ZNF717: variants seen among roughly 807,000 people sequenced by gnomAD.
ZNF717 encodes the protein krueppel-like factor X17.
Under a neutral mutation model 13.8 loss-of-function variants are expected in ZNF717, and 9 were observed. The ratio of observed to expected loss-of-function variants is 0.65; its 90% CI spans 0.39 to 1.14. The LOEUF is 1.14. Ranked by LOEUF, ZNF717 falls within the 50% of genes most tolerant of loss-of-function variation. The probability of loss-of-function intolerance (pLI) is 0.01; values close to 1 mark genes in which losing one functional copy is unlikely to be tolerated. For missense variants in ZNF717, 1,040 were observed against 1,080.7 expected, an observed-to-expected ratio of 0.96 and a Z score of 0.53; for synonymous variants, 327 against 364.1, an observed-to-expected ratio of 0.90 and a Z score of 1.16.
In ZNF717 at chr3:75,765,273, T is replaced by TA. The variant is rs763645037; in HGVS notation, c.57+18032dup. ...TGAATGGGTATAGAGCTTTCCAAGA[T>TA]AAAAAAAAAATCTAGAAATCTGCTA... On this transcript the variant is annotated intron_variant, in intron 2 of 4. Coordinates refer to ENST00000652011, the MANE Select transcript of ZNF717 (RefSeq NM_001290208.3). Among the ~76,000 whole-genome samples the TA allele has an allele frequency of 7.0e-4, 105 of 148,950 alleles. No individual in the cohort carries two copies. In the East Asian group the frequency reaches 0.011, roughly 15 times the overall value.
chr3:75,717,924 A>C (rs1938089301), intron 4 of ZNF717, among the ~76,000 whole-genome samples: 1 of 152,170 alleles, frequency 6.6e-6, no homozygotes, highest in Non-Finnish European at 1.5e-5. Context: ...TTCCCCCAGG[A>C]GCAGAACTTA....
At chr3:75,774,189 C>CAA (rs528249551) in intron 2 of ZNF717, among the ~76,000 whole-genome samples, 11,798 of 129,688 alleles carry the variant, frequency 0.091, 505 homozygotes, top group African/African-American at 0.2. Flanking sequence ...AATAAACTAC[C>CAA]AAAAAAAAAA....
intron 2 of ZNF717, chr3:75,742,009 G>A (rs11718252): frequency 0.33 from 143,826 of 436,312 alleles, 21,724 homozygotes; most frequent in Non-Finnish European, 0.39. Context: ...CACTGTTTAT[G>A]GTGGGAGAAG....
intron 2 of ZNF717, among the ~76,000 whole-genome samples, chr3:75,777,944 A>G (rs1026873178): frequency 1.8e-4 from 27 of 151,992 alleles, no homozygotes; most frequent in African/African-American, 6.3e-4. Flanking sequence ...CTGGAAACCA[A>G]AACAATGGGA....
chr3:75,729,451 A>C (rs1575727949), downstream of ZNF717, among the ~76,000 whole-genome samples: 1 of 152,214 alleles, frequency 6.6e-6, no homozygotes, highest in Admixed American at 6.5e-5. Context: ...CCCCATCTCT[A>C]CTAAAAATAC....
chr3:75,697,347 C>T (rs1937614732), intron 6 of ZNF717, among the ~76,000 whole-genome samples: 1 of 152,308 alleles, frequency 6.6e-6, no homozygotes, highest in Non-Finnish European at 1.5e-5. Context: ...AAATGTAATT[C>T]TCAATGTTGG....
intron 2 of ZNF717, among the ~76,000 whole-genome samples, chr3:75,749,835 C>T (rs1224833709): frequency 6.6e-6 from 1 of 151,576 alleles, no homozygotes; most frequent in East Asian, 2.0e-4. Flanking sequence ...ATGTCTGTGA[C>T]TCACATAGGA....
intron 2 of ZNF717, among the ~76,000 whole-genome samples, chr3:75,765,381 T>C (rs1441844671): frequency 6.6e-6 from 1 of 152,202 alleles, no homozygotes; most frequent in Non-Finnish European, 1.5e-5. Flanking sequence ...TATGTGTTTG[T>C]CACCAAAATT....
chr3:75,784,376 A>G lies in ZNF717; in HGVS notation c.-3+1008T>C, dbSNP rs921099397. Among the ~76,000 whole-genome samples, 54 of 152,264 alleles carry G rather than the reference A, an allele frequency of 3.5e-4. No individual in the cohort carries two copies. The Middle Eastern group carries it at 0.01, about 29-fold the overall frequency. On this transcript the variant is annotated intron_variant, in intron 1 of 4. Transcript: ENST00000652011. ...GTTACACCTAAGTGAACAGAATTCA[A>G]TATGTTTTTAACAAAATTACGTAGG...
downstream of ZNF717, chr3:75,732,036 G>A (rs1938604791): frequency 2.8e-6 from 2 of 702,374 alleles, no homozygotes; most frequent in South Asian, 1.5e-5. Flanking sequence ...CAGTTATGAG[G>A]GAGCATAATA....
At chr3:75,707,984 A>T (rs1180893246), downstream of ZNF717, among the ~76,000 whole-genome samples, 3 of 135,760 alleles carry the variant, frequency 2.2e-5, no homozygotes, top group South Asian at 5.7e-4. Context: ...ACCACAGCTC[A>T]AGGAGGCCTG....
downstream of ZNF717, among the ~76,000 whole-genome samples, chr3:75,727,949 A>T (rs1422423923): frequency 6.6e-6 from 1 of 152,250 alleles, no homozygotes; most frequent in Non-Finnish European, 1.5e-5. Flanking sequence ...TTTATTTCTC[A>T]GACCAGCCAA....
intron 2 of ZNF717, among the ~76,000 whole-genome samples, chr3:75,742,398 A>T (rs2107214665): frequency 6.6e-6 from 1 of 152,240 alleles, no homozygotes; most frequent in Non-Finnish European, 1.5e-5. Flanking sequence ...ATAAGTATAA[A>T]CACATACTGG....
At chr3:75,755,306 A>T (rs1339181974) in intron 2 of ZNF717, among the ~76,000 whole-genome samples, 1 of 152,294 alleles carries the variant, frequency 6.6e-6, no homozygotes, top group Admixed American at 6.5e-5. Flanking sequence ...TTATGTATTT[A>T]TTCTTAATTG....
chr3:75,729,661 C>G (rs1239744271), downstream of ZNF717, among the ~76,000 whole-genome samples: 1 of 146,728 alleles, frequency 6.8e-6, no homozygotes, highest in African/African-American at 2.5e-5. Context: ...ATTTACATTG[C>G]TATGATGAAT....
chr3:75,745,555 C>CAATAT (rs1485581001), intron 2 of ZNF717, among the ~76,000 whole-genome samples: 3 of 151,878 alleles, frequency 2.0e-5, no homozygotes, highest in Non-Finnish European at 4.4e-5. Context: ...CCTTGCTCTA[C>CAATAT]ATCTCCTGAA....
At chr3:75,708,580 G>A (rs200956794), downstream of ZNF717, among the ~76,000 whole-genome samples, 46 of 151,786 alleles carry the variant, frequency 3.0e-4, no homozygotes, top group East Asian at 7.8e-4. Flanking sequence ...CCAAAGGAAC[G>A]CATCTCCTCA....
downstream of ZNF717, among the ~76,000 whole-genome samples, chr3:75,733,821 C>A (rs1375454072): frequency 7.4e-6 from 1 of 134,942 alleles, no homozygotes; most frequent in Admixed American, 7.5e-5. Context: ...CATCTCAGAA[C>A]CATGAAAGTA....
downstream of ZNF717, among the ~76,000 whole-genome samples, chr3:75,726,756 A>T (rs1225963838): frequency 3.3e-5 from 5 of 152,266 alleles, no homozygotes; most frequent in African/African-American, 1.2e-4. Context: ...TTAGTAACAA[A>T]AATGTATGCA....
Sources: allele counts gnomAD v4.1 joint callset (sites outside exome capture counted in the v4.1 genomes callset), GRCh38; gene constraint gnomAD v4.1.1; transcripts MANE v1.5; gene names NCBI Gene and HGNC (gene_info 2026-07-23, HGNC 2026-07-21).